Variants in SHISA5 observed in about 807,000 individuals in gnomAD.
The protein encoded by SHISA5 is shisa family member 5, also known as protein shisa-5.
SHISA5 carries 21 observed loss-of-function variants against 27.5 expected under a neutral mutation model. The ratio of observed to expected loss-of-function variants is 0.76; its 90% CI spans 0.54 to 1.10. SHISA5 has a LOEUF of 1.10. Ranked by LOEUF, SHISA5 falls within the 50% of genes least tolerant of loss-of-function variation. SHISA5 has a pLI of 0.00. For synonymous variants in SHISA5, 137 were observed against 142.2 expected, an observed-to-expected ratio of 0.96 and a Z score of 0.26; for missense variants, 314 against 336.3, an observed-to-expected ratio of 0.93 and a Z score of 0.52.
chr3:48,504,125 G>T lies in SHISA5; in HGVS notation c.-31C>A, dbSNP rs2041834792. Reference sequence around the variant, plus strand: ...GGCGGGCGGACGGGCGGACGGACGCGAGCGCCGGGCGCAGTGCCGCCACAG... The same window carrying T: ...GGCGGGCGGACGGGCGGACGGACGCTAGCGCCGGGCGCAGTGCCGCCACAG... On this transcript the variant is annotated 5_prime_UTR_variant, in exon 1 of 6. Coordinates refer to ENST00000296444, the MANE Select transcript of SHISA5 (RefSeq NM_016479.6). The surrounding 1 kb of genome is among the most constrained non-coding windows in gnomAD (Gnocchi z 4.0). 6.0e-6 allele frequency: 7 copies of T among 1,174,654 alleles called. No homozygotes were observed. Among genetic ancestry groups the T allele is most frequent in the Non-Finnish European group, 7.7e-6 (7 of 906,608 alleles). 72.8% of individuals were successfully genotyped at this position (1,174,654 alleles called of 1,614,324 possible).
intron 2 of SHISA5, among the ~76,000 whole-genome samples, chr3:48,485,732 T>G (rs1006262498): frequency 6.6e-6 from 1 of 150,986 alleles, no homozygotes; most frequent in Admixed American, 6.7e-5. Context: ...ATGGAAAGAA[T>G]GTGAAGCTGA....
In SHISA5 at chr3:48,469,189, G is replaced by C; in HGVS notation, c.644-3C>G. 6.2e-7 allele frequency: 1 copy of C among 1,611,734 alleles called. No homozygotes were observed. Among genetic ancestry groups the C allele is most frequent in the Non-Finnish European group, 8.5e-7 (1 of 1,179,706 alleles). On this transcript the variant is annotated splice_region_variant and splice_polypyrimidine_tract_variant and intron_variant, in intron 5 of 5. Coordinates refer to ENST00000296444, the MANE Select transcript of SHISA5 (RefSeq NM_016479.6). The surrounding 1 kb of genome is among the most constrained non-coding windows in gnomAD (Gnocchi z 4.6). ...GGGGTAGGGCGCGGCTGCTCCTCCT[G>C]AAAGCAGAGAGGACCCTGGTTGGCT...
chr3:48,476,468 G>A (rs1014020665), intron 3 of SHISA5, among the ~76,000 whole-genome samples: 2 of 152,180 alleles, frequency 1.3e-5, no homozygotes, highest in Non-Finnish European at 2.9e-5. Flanking sequence ...CTGGCCTGGG[G>A]TCTTTCCCCT....
intron 2 of SHISA5, among the ~76,000 whole-genome samples, chr3:48,489,195 ATTTTT>A (rs11293006): frequency 7.7e-6 from 1 of 130,094 alleles, no homozygotes. Context: ...ACATTATGAG[ATTTTT>A]TTTTTTTTTT....
intron 2 of SHISA5, among the ~76,000 whole-genome samples, chr3:48,487,140 ACACACACTCC>A (rs891768225): frequency 1.3e-5 from 2 of 151,746 alleles, no homozygotes; most frequent in Non-Finnish European, 2.9e-5. Context: ...GCACACACAC[ACACACACTCC>A]CACACACTCC....
intron 3 of SHISA5, among the ~76,000 whole-genome samples, chr3:48,475,828 T>A (rs933529140): frequency 6.6e-6 from 1 of 151,946 alleles, no homozygotes; most frequent in African/African-American, 2.4e-5. Context: ...ATCTGGGGAG[T>A]GAATAAGGCA....
intron 2 of SHISA5, among the ~76,000 whole-genome samples, chr3:48,481,165 G>A (rs1023676210): frequency 6.6e-6 from 1 of 152,122 alleles, no homozygotes; most frequent in Non-Finnish European, 1.5e-5. Context: ...GATGAGCTGG[G>A]CGTGGTGGCT....
At chr3:48,481,741 C>A (rs1390796002) in intron 2 of SHISA5, among the ~76,000 whole-genome samples, 1 of 150,894 alleles carries the variant, frequency 6.6e-6, no homozygotes, top group Non-Finnish European at 1.5e-5. Context: ...GAGCCAAGAT[C>A]ATGCCATTGC....
chr3:48,501,360 C>A, intron 1 of SHISA5, 67 bp from the exon 2 acceptor site: 1 of 1,552,308 alleles, frequency 6.4e-7, no homozygotes, highest in Non-Finnish European at 8.8e-7. Flanking sequence ...ACAGCGCCCT[C>A]CCTGGCACAG....
intron 1 of SHISA5, chr3:48,503,613 G>T: frequency 1.3e-6 from 1 of 767,014 alleles, no homozygotes; most frequent in Non-Finnish European, 1.6e-6. Flanking sequence ...GGAGGCAGCG[G>T]TGGGGGCTCC....
At chr3:48,502,216 A>G in intron 1 of SHISA5, 1 of 350,464 alleles carries the variant, frequency 2.9e-6, no homozygotes, top group South Asian at 2.1e-5. Flanking sequence ...AACCACAGCA[A>G]CCTCAGCCCC....
In SHISA5 at chr3:48,469,880, C is replaced by G. The variant is rs766684139; in HGVS notation, c.315-37G>C. 7 of 1,593,456 alleles carry G rather than the reference C, an allele frequency of 4.4e-6. No individual in the cohort carries two copies. The highest frequency in any genetic ancestry group is 6.0e-6 in the Non-Finnish European group (7 of 1,169,690). Reference sequence around the variant, plus strand: ...CTAGACGTGACCCGGGGCACCTCGCCCCTCCCCAGACCAGCATCCACACCT... The same window carrying G: ...CTAGACGTGACCCGGGGCACCTCGCGCCTCCCCAGACCAGCATCCACACCT... On this transcript the variant is annotated intron_variant, in intron 3 of 5. Coordinates refer to ENST00000296444, the MANE Select transcript of SHISA5 (RefSeq NM_016479.6). The surrounding 1 kb of genome is among the most constrained non-coding windows in gnomAD (Gnocchi z 4.6).
At chr3:48,503,923 A>G (rs1405937953) in intron 1 of SHISA5, 96 bp downstream of exon 1, 4 of 1,360,796 alleles carry the variant, frequency 2.9e-6, no homozygotes, top group African/African-American at 1.5e-5. Context: ...TGGGGGGCAT[A>G]GTGGGGCTGG....
chr3:48,491,181 T>C (rs1342245929), intron 2 of SHISA5, among the ~76,000 whole-genome samples: 3 of 150,154 alleles, frequency 2.0e-5, no homozygotes, highest in East Asian at 2.0e-4. Context: ...TGCAGTGGCG[T>C]GATCTCTGCT....
intron 2 of SHISA5, among the ~76,000 whole-genome samples, chr3:48,486,488 T>C (rs1452749259): frequency 8.9e-6 from 1 of 112,408 alleles, no homozygotes; most frequent in Non-Finnish European, 1.7e-5. Context: ...ATATTACATA[T>C]TATATATATT....
chr3:48,503,889 G>A (rs1052453186), intron 1 of SHISA5, 130 bp downstream of exon 1: 5 of 1,313,162 alleles, frequency 3.8e-6, no homozygotes, highest in Non-Finnish European at 4.9e-6. Context: ...GTTCGCTGAC[G>A]GCCTCGGGGC....
intron 2 of SHISA5, among the ~76,000 whole-genome samples, chr3:48,487,301 G>T (rs1007054504): frequency 6.6e-6 from 1 of 152,036 alleles, no homozygotes; most frequent in Non-Finnish European, 1.5e-5. Flanking sequence ...TTAGGGCTAT[G>T]ATTTTTTGTA....
intron 1 of SHISA5, 102 bp from the exon 2 acceptor site, chr3:48,501,395 A>C: frequency 3.9e-6 from 5 of 1,267,800 alleles, no homozygotes; most frequent in Non-Finnish European, 5.5e-6. Context: ...ACACACACAC[A>C]TGCTGCACCG....
Position 48,469,169 on chromosome 3 carries a change from A to G in SHISA5, c.661T>C (p.Tyr221His), listed in dbSNP as rs2040489564. The G allele has an allele frequency of 6.2e-7, 1 of 1,612,376 alleles. No homozygotes were observed. The highest frequency in any genetic ancestry group is 1.3e-5 in the African/African-American group (1 of 74,894). ...TTGTAAGGAGGCTGGCTGGCGGGGTAGGGCGCGGCTGCTCCTCCTGAAAGC... is the reference window on the plus strand; with the variant it reads ...TTGTAAGGAGGCTGGCTGGCGGGGTGGGGCGCGGCTGCTCCTCCTGAAAGC... Reference protein sequence around the residue: ...ETLAGGAAAPYPASQPPYNPA... With the variant: ...ETLAGGAAAPHPASQPPYNPA... The change falls in exon 6 of 6, where the codon TAC becomes CAC. Residue 221 changes from tyrosine to histidine, a missense_variant. Transcript: ENST00000296444. This position sits in a 1 kb window ranked among gnomAD's most constrained non-coding sequence, Gnocchi z 4.6.
Sources: gnomAD v4.1 joint callset for allele counts (sites outside exome capture counted in the v4.1 genomes callset) on GRCh38, gnomAD v4.1.1 for gene constraint, Gnocchi (gnomAD v3.1) non-coding constraint, MANE v1.5 for transcripts, NCBI Gene and HGNC (gene_info 2026-07-23, HGNC 2026-07-21) for gene names.